The following NBPF12 variants were observed in gnomAD, a reference collection of about 807,000 sequenced individuals.
The protein encoded by NBPF12 is NBPF family member NBPF12.
A neutral mutation model predicts 146.4 loss-of-function variants in NBPF12; 115 were observed. The ratio of observed to expected loss-of-function variants is 0.79; its 90% CI spans 0.68 to 0.92. NBPF12 has a LOEUF of 0.92. Ranked by LOEUF, NBPF12 falls within the 40% of genes least tolerant of loss-of-function variation. The pLI is 0.00. For synonymous variants in NBPF12, 385 were observed against 508.9 expected (o/e 0.76, Z 3.28); for missense variants, 1,205 against 1,326.8 (o/e 0.91, Z 1.43).
chr1:146,960,185 G>C (rs1655765510), exon 4 of NBPF12: 1 of 740,606 alleles, frequency 1.4e-6, no homozygotes. Context: ...AGAAGGCAGA[G>C]ATGAACATTC....
exon 13 of NBPF12, chr1:146,971,297 C>G (rs1288010850): frequency 6.2e-7 from 1 of 1,612,172 alleles, no homozygotes. Flanking sequence ...ACAAGAACAT[C>G]AAAATCACAT....
exon 6 of NBPF12, chr1:146,963,197 C>T: frequency 6.3e-7 from 1 of 1,594,724 alleles, no homozygotes; most frequent in Admixed American, 1.7e-5. Flanking sequence ...ATGAGCATCT[C>T]CAGGCCCTCC....
At chr1:146,965,319 G>T (rs1656115921) in intron 8 of NBPF12, among the ~76,000 whole-genome samples, 1 of 151,168 alleles carries the variant, frequency 6.6e-6, no homozygotes, top group African/African-American at 2.5e-5. Context: ...GGAGTATATG[G>T]TGAAACCCAT....
intron 4 of NBPF12, among the ~76,000 whole-genome samples, chr1:146,961,697 G>T (rs1267203172): frequency 5.7e-4 from 87 of 151,990 alleles, no homozygotes; most frequent in African/African-American, 2.0e-3. Flanking sequence ...ATTTAAAAAT[G>T]AAATATTTTT....
intron 1 of NBPF12, among the ~76,000 whole-genome samples, chr1:146,949,839 T>G (rs2101821457): frequency 6.6e-6 from 1 of 151,954 alleles, no homozygotes; most frequent in East Asian, 1.9e-4. Flanking sequence ...CCTCCTTACC[T>G]GTCTGTTTCA....
intron 7 of NBPF12, 104 bp from the exon 11 acceptor site, chr1:146,964,789 G>A (rs1656083870): frequency 1.9e-6 from 3 of 1,587,362 alleles, no homozygotes; most frequent in Admixed American, 1.7e-5. Context: ...TTGCTTTCTG[G>A]GACCACTCTC....
intron 19 of NBPF12, among the ~76,000 whole-genome samples, chr1:146,981,162 G>A (rs1275899688): frequency 7.4e-6 from 1 of 134,548 alleles, no homozygotes; most frequent in Non-Finnish European, 1.6e-5. Flanking sequence ...GGTAGCATTA[G>A]GAGATATACC....
intron 14 of NBPF12, among the ~76,000 whole-genome samples, chr1:146,974,046 T>C (rs1463521961): frequency 1.3e-5 from 2 of 151,034 alleles, no homozygotes; most frequent in East Asian, 3.9e-4. Flanking sequence ...CCTACCTCTG[T>C]AAATTGCTGC....
chr1:146,965,111 T>C lies in NBPF12; in HGVS notation c.778+7T>C. 7.8e-6 allele frequency: 12 copies of C among 1,539,786 alleles called. No individual in the cohort carries two copies. The highest frequency in any genetic ancestry group is 1.1e-5 in the Non-Finnish European group (12 of 1,115,724). On this transcript the variant is annotated splice_region_variant and intron_variant, in intron 8 of 33. Transcript: ENST00000617844. ...GCTCTAAACATTCTCCCAGGTAGCC[T>C]CTATTTTCCTTGTGTCTCATACCTC...
At chr1:146,968,118 G>C (rs1270751680) in intron 9 of NBPF12, among the ~76,000 whole-genome samples, 4 of 148,290 alleles carry the variant, frequency 2.7e-5, no homozygotes, top group African/African-American at 7.5e-5. Flanking sequence ...CAGTGTTTTA[G>C]AGGAGAGGCT....
upstream of NBPF12, among the ~76,000 whole-genome samples, chr1:146,944,974 CCCTCCCTGCCTT>C (rs1654968024): frequency 1.4e-5 from 1 of 71,850 alleles, no homozygotes; most frequent in Admixed American, 1.4e-4. Flanking sequence ...CTTCCTCCCT[CCCTCCCTGCCTT>C]CCTTCCTCCC....
chr1:146,980,443 T>G (rs1657300436), intron 19 of NBPF12, among the ~76,000 whole-genome samples: 2 of 152,072 alleles, frequency 1.3e-5, no homozygotes, highest in African/African-American at 4.8e-5. Context: ...GTTTTTGCAG[T>G]GGCTGGTACC....
intron 19 of NBPF12, among the ~76,000 whole-genome samples, 196 bp from the exon 23 acceptor site, chr1:146,982,732 C>T (rs1281808125): frequency 6.6e-6 from 1 of 151,020 alleles, no homozygotes; most frequent in Non-Finnish European, 1.5e-5. Context: ...CACATGCTGC[C>T]CATTTTTGCT....
intron 10 of NBPF12, among the ~76,000 whole-genome samples, chr1:146,969,030 G>A (rs1438284819): frequency 3.3e-5 from 5 of 151,482 alleles, no homozygotes; most frequent in Non-Finnish European, 7.4e-5. Flanking sequence ...TTTGTGTCTA[G>A]TGGCCGCAAG....
At chr1:146,994,234 T>C in intron 33 of NBPF12, 98 bp from the exon 37 acceptor site, 7 of 1,608,312 alleles carry the variant, frequency 4.4e-6, no homozygotes, top group African/African-American at 1.4e-5. Flanking sequence ...GTCCTTTTTC[T>C]TTTCTAACCA....
intron 14 of NBPF12, among the ~76,000 whole-genome samples, chr1:146,974,179 G>A (rs1207271702): frequency 6.7e-6 from 1 of 148,592 alleles, no homozygotes; most frequent in African/African-American, 2.6e-5. Flanking sequence ...TAGCATTTGG[G>A]CATAGGATTT....
At position 146,974,729 on chromosome 1, in the gene NBPF12, CT is replaced by C; in HGVS notation, c.1802-6del. 1.2e-6 allele frequency: 1 copy of C among 857,794 alleles called. No homozygotes were observed. The highest frequency in any genetic ancestry group is 1.6e-6 in the Non-Finnish European group (1 of 616,576). The allele number at this position is 857,794 out of a possible 1,614,324, so 53.1% of individuals were successfully genotyped here. A position where few individuals can be genotyped will look rare whatever the true frequency, so the allele number is the denominator to read the frequency against. On this transcript the variant is annotated splice_polypyrimidine_tract_variant and intron_variant, in intron 14 of 33. Coordinates refer to ENST00000617844, the Ensembl canonical transcript of NBPF12. ...CTTCCACTGATGCAGGCGTGTCTGT[CT>C]TTTCTCAGAATATGAAGAGTGCAAA...
At chr1:146,996,016 G>T (rs1553890527) in exon 34 of NBPF12, 1 of 148,178 alleles carries the variant, frequency 6.7e-6, no homozygotes, top group African/African-American at 2.5e-5. Context: ...GCAAAAAGAA[G>T]AAAACATTCT....
At chr1:146,965,196 T>A in intron 8 of NBPF12, 92 bp downstream of exon 11, 1 of 824,996 alleles carries the variant, frequency 1.2e-6, no homozygotes, top group South Asian at 1.4e-5. Context: ...ATTGTTATTG[T>A]TTTAGTCAGA....
Sources: gnomAD v4.1 joint callset for allele counts (sites outside exome capture counted in the v4.1 genomes callset) on GRCh38, gnomAD v4.1.1 for gene constraint, MANE v1.5 for transcripts, NCBI Gene and HGNC (gene_info 2026-07-23, HGNC 2026-07-21) for gene names.